ACTR3C: variants seen among roughly 807,000 people sequenced by gnomAD.
ACTR3C encodes actin-related protein 3C.
A neutral mutation model predicts 26.3 loss-of-function variants in ACTR3C; 18 were observed. The ratio of observed to expected loss-of-function variants is 0.68; its 90% CI spans 0.47 to 1.01. The LOEUF (loss-of-function observed/expected upper bound fraction) is 1.01, where lower values mean the gene tolerates loss of function less well. ACTR3C is among the 50% of genes least tolerant of loss of function. The pLI, the probability that ACTR3C is intolerant of heterozygous loss-of-function variation, is 0.00. For synonymous variants in ACTR3C, 55 were observed against 94.5 expected, an observed-to-expected ratio of 0.58 and a Z score of 2.42; for missense variants, 184 against 250.7, an observed-to-expected ratio of 0.73 and a Z score of 1.80.
At chr7:149,890,206 C>G in the ACTR3C span, among the ~76,000 whole-genome samples, 1 of 151,882 alleles carries the variant, frequency 6.6e-6, no homozygotes, top group Non-Finnish European at 1.5e-5. Context: ...AAAATCCAAA[C>G]CTAAATTATG....
the ACTR3C span, chr7:149,891,138 C>T: frequency 3.6e-6 from 2 of 558,664 alleles, no homozygotes; most frequent in Non-Finnish European, 6.6e-6. Flanking sequence ...AGTTTAAAAT[C>T]TAAGCAATTT....
the ACTR3C span, among the ~76,000 whole-genome samples, chr7:149,961,097 G>C: frequency 6.6e-6 from 1 of 150,622 alleles, no homozygotes; most frequent in Admixed American, 6.6e-5. Context: ...CTCACAGGAA[G>C]TGTACAGTCA....
chr7:150,313,356 T>C (rs1476564430), intron 1 of ACTR3C, among the ~76,000 whole-genome samples: 2 of 152,192 alleles, frequency 1.3e-5, no homozygotes, highest in Non-Finnish European at 2.9e-5. Flanking sequence ...GATTTTAAAG[T>C]TTCTCATTGG....
chr7:150,116,555 T>A, the ACTR3C span, among the ~76,000 whole-genome samples: 8 of 152,222 alleles, frequency 5.3e-5, no homozygotes, highest in Admixed American at 5.2e-4. Flanking sequence ...CTGAAATTCT[T>A]ATATTAATAT....
the ACTR3C span, among the ~76,000 whole-genome samples, chr7:149,907,478 T>TGTCTC: frequency 3.1e-5 from 3 of 97,606 alleles, no homozygotes; most frequent in African/African-American, 1.1e-4. Flanking sequence ...CTCTCTTCTC[T>TGTCTC]TCTCTCTCTC....
chr7:150,175,076 T>A, the ACTR3C span, among the ~76,000 whole-genome samples: 1 of 144,530 alleles, frequency 6.9e-6, no homozygotes, highest in Non-Finnish European at 1.5e-5. Context: ...TCTCACAAAG[T>A]TACTGTAGTG....
chr7:150,040,797 G>C, the ACTR3C span: 1 of 146,976 alleles, frequency 6.8e-6, no homozygotes, highest in Non-Finnish European at 1.5e-5. Flanking sequence ...TCCCCGCCTT[G>C]CGGGGGGTGT....
At chr7:150,067,005 T>C in the ACTR3C span, among the ~76,000 whole-genome samples, 3 of 152,202 alleles carry the variant, frequency 2.0e-5, no homozygotes, top group Non-Finnish European at 2.9e-5. Flanking sequence ...CCATGGAATG[T>C]GGGCAACTGC....
chr7:150,028,248 A>G, the ACTR3C span, among the ~76,000 whole-genome samples: 1 of 152,216 alleles, frequency 6.6e-6, no homozygotes, highest in East Asian at 1.9e-4. Flanking sequence ...TCTTCCTCCC[A>G]CGGGGGCTGG....
chr7:150,101,499 T>C, the ACTR3C span, among the ~76,000 whole-genome samples: 3,850 of 151,762 alleles, frequency 0.025, 287 homozygotes, highest in African/African-American at 0.089. Context: ...TCGAGAAGAT[T>C]GTCCCACATC....
chr7:150,260,531 T>C (rs907931422), intron 6 of ACTR3C, among the ~76,000 whole-genome samples: 1 of 152,276 alleles, frequency 6.6e-6, no homozygotes, highest in African/African-American at 2.4e-5. Flanking sequence ...ACTTAATTTT[T>C]GTGCTTGTTT....
chr7:150,295,160 C>T (rs1412953471), intron 2 of ACTR3C, 92 bp downstream of exon 2: 2 of 1,448,146 alleles, frequency 1.4e-6, no homozygotes, highest in Non-Finnish European at 1.9e-6. Flanking sequence ...GCACACAGCG[C>T]AGTCTTCCAG....
the ACTR3C span, among the ~76,000 whole-genome samples, chr7:150,012,312 T>A: frequency 6.9e-6 from 1 of 145,502 alleles, no homozygotes; most frequent in East Asian, 2.1e-4. Context: ...GTTTTATAAA[T>A]GCATCTTTTT....
the ACTR3C span, among the ~76,000 whole-genome samples, chr7:149,927,430 T>TAA: frequency 1.4e-4 from 19 of 133,162 alleles, no homozygotes; most frequent in Admixed American, 3.1e-4. Context: ...AATGACTATT[T>TAA]AAAAAAAAAA....
the ACTR3C span, among the ~76,000 whole-genome samples, chr7:150,073,270 C>T: frequency 6.6e-6 from 1 of 152,064 alleles, no homozygotes; most frequent in African/African-American, 2.4e-5. Context: ...AGAAGACGGA[C>T]AAGTGCTTTT....
the ACTR3C span, among the ~76,000 whole-genome samples, chr7:150,110,646 C>T: frequency 0.016 from 1,983 of 123,906 alleles, 10 homozygotes; most frequent in East Asian, 0.083. Context: ...GGAGGTGGGG[C>T]TGGCAAGGGG....
chr7:150,191,260 T>A, the ACTR3C span, among the ~76,000 whole-genome samples: 1 of 152,210 alleles, frequency 6.6e-6, no homozygotes. Flanking sequence ...AAAATCACTT[T>A]GAGATTTCAA....
chr7:150,317,944 T>C (rs1797102790), intron 1 of ACTR3C, among the ~76,000 whole-genome samples: 1 of 152,098 alleles, frequency 6.6e-6, no homozygotes, highest in Non-Finnish European at 1.5e-5. Flanking sequence ...AACTATGGGA[T>C]GTCTCACAAG....
chr7:150,103,120 TA>T, the ACTR3C span, among the ~76,000 whole-genome samples: 2 of 146,430 alleles, frequency 1.4e-5, no homozygotes, highest in African/African-American at 5.2e-5. Context: ...TCAAAGAGAA[TA>T]AAAAATCCTC....
Sources: allele counts gnomAD v4.1 joint callset (sites outside exome capture counted in the v4.1 genomes callset), GRCh38; gene constraint gnomAD v4.1.1; transcripts MANE v1.5; gene names NCBI Gene and HGNC (gene_info 2026-07-23, HGNC 2026-07-21).